PRKN: variants seen among roughly 807,000 people sequenced by gnomAD.
PRKN encodes the protein parkin RBR E3 ubiquitin protein ligase, also known as E3 ubiquitin-protein ligase parkin.
A neutral mutation model predicts 59.5 loss-of-function variants in PRKN; 56 were observed. The observed-to-expected ratio is 0.94, with a 90% CI of 0.76 to 1.18. The LOEUF (loss-of-function observed/expected upper bound fraction) is 1.18. PRKN is among the 50% of genes most tolerant of loss of function. The pLI is 0.00. For synonymous variants in PRKN, 250 were observed against 222.1 expected (o/e 1.13, Z -1.12); for missense variants, 657 against 596.4 (o/e 1.10, Z -1.06).
At position 161,473,734 on chromosome 6, in the gene PRKN, T is replaced by C. The variant is rs1790915378; in HGVS notation, c.1083+75120A>G. On this transcript the variant is annotated intron_variant, in intron 9 of 11. Coordinates refer to ENST00000366898, the MANE Select transcript of PRKN (RefSeq NM_004562.3). The surrounding 1 kb of genome is among the most constrained non-coding windows in gnomAD (Gnocchi z 4.1). ...TTTAGGTGCTATTACTGTATACGTA[T>C]GAAAAAAGTAACCATGAAGATGATA... 6.6e-6 allele frequency among the ~76,000 whole-genome samples: 1 copy of C among 152,156 alleles called. No homozygotes were observed. The highest frequency in any genetic ancestry group is 2.4e-5 in the African/African-American group (1 of 41,444).
At chr6:162,186,958 G>A (rs1784059144) in intron 4 of PRKN, among the ~76,000 whole-genome samples, 1 of 152,144 alleles carries the variant, frequency 6.6e-6, no homozygotes, top group Non-Finnish European at 1.5e-5. Context: ...GGCAAGAAAG[G>A]ACTAATACAG....
chr6:162,454,816 G>A (rs1052689271), intron 1 of PRKN, among the ~76,000 whole-genome samples: 3 of 152,222 alleles, frequency 2.0e-5, no homozygotes, highest in African/African-American at 7.2e-5. Context: ...TGGCTCTGGT[G>A]CACCACCACA....
At chr6:162,715,299 A>AT (rs1383680355) in intron 1 of PRKN, among the ~76,000 whole-genome samples, 1 of 152,220 alleles carries the variant, frequency 6.6e-6, no homozygotes, top group African/African-American at 2.4e-5. Flanking sequence ...TCACACTTTC[A>AT]TTTAGGCAAC....
intron 6 of PRKN, among the ~76,000 whole-genome samples, chr6:161,810,042 T>C (rs1791497389): frequency 6.6e-6 from 1 of 152,192 alleles, no homozygotes; most frequent in South Asian, 2.1e-4. Flanking sequence ...CCCCTTAAAA[T>C]TCGTGCATTG....
chr6:162,189,130 T>A (rs571898902), intron 4 of PRKN, among the ~76,000 whole-genome samples: 1 of 151,236 alleles, frequency 6.6e-6, no homozygotes. Flanking sequence ...CCTATTCTAA[T>A]TATCTTCTAT....
intron 3 of PRKN, among the ~76,000 whole-genome samples, chr6:162,223,274 T>C (rs1204542016): frequency 6.6e-6 from 1 of 151,928 alleles, no homozygotes; most frequent in Admixed American, 6.6e-5. Flanking sequence ...GACATTTGGG[T>C]TGGTTCCAAG....
rs1779611960 is a variant in PRKN at position 162,556,558 on chromosome 6, C to A, written c.8-113085G>T. 3.3e-5 allele frequency among the ~76,000 whole-genome samples: 5 copies of A among 151,732 alleles called. No individual in the cohort carries two copies. In the South Asian group the frequency reaches 1.0e-3, roughly 32 times the overall value. On this transcript the variant is annotated intron_variant, in intron 1 of 11. Coordinates refer to ENST00000366898, the MANE Select transcript of PRKN (RefSeq NM_004562.3). ...AATCAGGAGATCGAGATCATCCTAA[C>A]CAACACAGTGAAACCCCTTCTCTAC...
At chr6:161,989,178 T>G (rs1312234897) in intron 5 of PRKN, among the ~76,000 whole-genome samples, 1 of 152,238 alleles carries the variant, frequency 6.6e-6, no homozygotes, top group African/African-American at 2.4e-5. Context: ...TTAGATAGCA[T>G]GAATTAAATT....
At chr6:162,256,349 C>T (rs575452157) in intron 3 of PRKN, among the ~76,000 whole-genome samples, 2 of 152,244 alleles carry the variant, frequency 1.3e-5, no homozygotes. Context: ...ATAACACCTT[C>T]TATAAAATTT....
At chr6:162,136,263 A>G (rs1463950403) in intron 4 of PRKN, among the ~76,000 whole-genome samples, 1 of 152,004 alleles carries the variant, frequency 6.6e-6, no homozygotes, top group Non-Finnish European at 1.5e-5. Flanking sequence ...ATCCAGGAAA[A>G]ACTTCTTCCC....
intron 1 of PRKN, among the ~76,000 whole-genome samples, chr6:162,521,626 T>C (rs1485532526): frequency 6.6e-6 from 1 of 152,162 alleles, no homozygotes; most frequent in East Asian, 1.9e-4. Flanking sequence ...AAACTCCATA[T>C]AGTAATTCCA....
chr6:161,357,126 A>G lies in PRKN; in HGVS notation c.1285+2962T>C, dbSNP rs1368027296. 7.0e-5 allele frequency among the ~76,000 whole-genome samples: 10 copies of G among 142,100 alleles called. No individual in the cohort carries two copies. The highest frequency in any genetic ancestry group is 1.5e-4 in the Non-Finnish European group (10 of 67,120). 93.2% of individuals were successfully genotyped at this position (142,100 alleles called of 152,430 possible). On this transcript the variant is annotated intron_variant, in intron 11 of 11. Coordinates refer to ENST00000366898, the MANE Select transcript of PRKN (RefSeq NM_004562.3). The surrounding 1 kb of genome is among the most constrained non-coding windows in gnomAD (Gnocchi z 5.5). ...GAGTGCAATGGCATGATCTCAGCTC[A>G]CTGCAAATTCCGCCTCCCAGGTTCA...
chr6:162,086,443 G>C (rs938280980), intron 4 of PRKN, among the ~76,000 whole-genome samples: 1 of 151,038 alleles, frequency 6.6e-6, no homozygotes, highest in African/African-American at 2.4e-5. Flanking sequence ...CCAATGGAGA[G>C]AAAAGAGAGG....
chr6:162,288,030 C>T (rs1239366646), intron 2 of PRKN, among the ~76,000 whole-genome samples: 17 of 152,206 alleles, frequency 1.1e-4, no homozygotes, highest in South Asian at 8.3e-4. Context: ...TGTCTTATTC[C>T]GGAATCCTGT....
At chr6:162,338,817 T>G (rs1376847699) in intron 2 of PRKN, among the ~76,000 whole-genome samples, 19 of 143,870 alleles carry the variant, frequency 1.3e-4, no homozygotes, top group South Asian at 1.1e-3. Flanking sequence ...GAGCGCCTCT[T>G]CCCGGCCACC....
intron 7 of PRKN, among the ~76,000 whole-genome samples, chr6:161,690,950 G>A (rs996890232): frequency 6.9e-6 from 1 of 145,188 alleles, no homozygotes; most frequent in Non-Finnish European, 1.5e-5. Context: ...TGTATCGATC[G>A]ATTGAACAAT....
intron 2 of PRKN, among the ~76,000 whole-genome samples, chr6:162,360,969 AAAAC>A (rs1458944207): frequency 6.6e-6 from 1 of 152,222 alleles, no homozygotes; most frequent in Non-Finnish European, 1.5e-5. Context: ...ATTTAAATGA[AAAAC>A]AAAACAAAGC....
chr6:162,255,279 T>C (rs926335246), intron 3 of PRKN, among the ~76,000 whole-genome samples: 2 of 152,086 alleles, frequency 1.3e-5, no homozygotes, highest in African/African-American at 2.4e-5. Context: ...TGGGCCTTTG[T>C]ACATGTGAAC....
chr6:162,416,938 TTAAAC>T (rs976257190), intron 2 of PRKN, among the ~76,000 whole-genome samples: 1 of 152,190 alleles, frequency 6.6e-6, no homozygotes, highest in African/African-American at 2.4e-5. Flanking sequence ...TGGTTCAGTC[TTAAAC>T]TAAACACAAA....
Sources: gnomAD v4.1 joint callset for allele counts (sites outside exome capture counted in the v4.1 genomes callset) on GRCh38, gnomAD v4.1.1 for gene constraint, Gnocchi (gnomAD v3.1) non-coding constraint, MANE v1.5 for transcripts, NCBI Gene and HGNC (gene_info 2026-07-23, HGNC 2026-07-21) for gene names.